Variants in HOOK3 observed in about 807,000 individuals in gnomAD.
HOOK3 encodes hook microtubule tethering protein 3.
A neutral mutation model predicts 116.3 loss-of-function variants in HOOK3; 24 were observed. The observed-to-expected ratio is 0.21, with a 90% confidence interval of 0.15 to 0.29. HOOK3 has a LOEUF of 0.29. Among genes scored for constraint, HOOK3 ranks in the 10% least tolerant of loss-of-function variants. The pLI is 1.00. For synonymous variants in HOOK3, 275 were observed against 283.0 expected (o/e 0.97, Z 0.28); for missense variants, 632 against 830.2 (o/e 0.76, Z 2.93).
chr8:42,907,811 C>T (rs773072), intron 2 of HOOK3, among the ~76,000 whole-genome samples: 14,518 of 105,206 alleles, frequency 0.14, 1,514 homozygotes, highest in African/African-American at 0.31. Flanking sequence ...ACCGGAGCAA[C>T]GAGGCAAAAA....
At chr8:42,941,483 A>G (rs928859731) in intron 4 of HOOK3, among the ~76,000 whole-genome samples, 7 of 138,950 alleles carry the variant, frequency 5.0e-5, no homozygotes, top group African/African-American at 1.9e-4. Context: ...GCGCCACTGC[A>G]CTCCAGCCTG....
intron 2 of HOOK3, among the ~76,000 whole-genome samples, chr8:42,910,341 T>C (rs1280857400): frequency 1.3e-5 from 2 of 151,970 alleles, no homozygotes; most frequent in Admixed American, 1.3e-4. Context: ...CTTTCTTTCT[T>C]CCTAGAATGC....
intron 2 of HOOK3, among the ~76,000 whole-genome samples, chr8:42,922,826 G>A (rs1303663205): frequency 6.7e-6 from 1 of 148,822 alleles, no homozygotes; most frequent in African/African-American, 2.5e-5. Context: ...GTTGCAGTGA[G>A]CTGAGATTGT....
chr8:42,940,895 A>G (rs971362272), intron 4 of HOOK3, among the ~76,000 whole-genome samples: 9 of 152,240 alleles, frequency 5.9e-5, no homozygotes, highest in African/African-American at 2.2e-4. Context: ...CCAATCAAAC[A>G]TAAGTTTGGT....
chr8:42,939,931 C>A (rs1198872743), intron 4 of HOOK3, among the ~76,000 whole-genome samples: 2 of 150,318 alleles, frequency 1.3e-5, no homozygotes, highest in Non-Finnish European at 3.0e-5. Flanking sequence ...GGATGGCGGC[C>A]GGGAAGAGGC....
intron 4 of HOOK3, among the ~76,000 whole-genome samples, chr8:42,931,557 AAGT>A (rs1420602724): frequency 1.4e-5 from 2 of 139,154 alleles, no homozygotes; most frequent in East Asian, 4.3e-4. Context: ...TCAGCCTCCC[AAGT>A]AGCTGGGACT....
intron 13 of HOOK3, among the ~76,000 whole-genome samples, chr8:42,982,029 G>A (rs1218960114): frequency 3.3e-5 from 5 of 151,030 alleles, no homozygotes; most frequent in Admixed American, 1.3e-4. Flanking sequence ...TGAGGTGGGA[G>A]GATCACCTGA....
Position 42,897,218 on chromosome 8 carries a change from AC to A in HOOK3, c.57+35del, listed in dbSNP as rs141707234. 7,600 of 1,221,652 alleles carry A rather than the reference AC, an allele frequency of 6.2e-3. 367 individuals are homozygous for A. The African/African-American group carries it at 0.11, about 17-fold the overall frequency. The allele number at this position is 1,221,652 out of a possible 1,614,324, so 75.7% of individuals were successfully genotyped here. A position where few individuals can be genotyped will look rare whatever the true frequency, so the allele number is the denominator to read the frequency against. ...GTGGGGGCCGCGGGCCGGCGGGAAG[AC>A]CCCCTCCCCCCGCCACCTACCGGGA... is the stretch of plus-strand genomic sequence containing the variant. On this transcript the variant is annotated intron_variant, in intron 1 of 21. Coordinates refer to ENST00000307602, the MANE Select transcript of HOOK3 (RefSeq NM_032410.4).
At chr8:42,962,977 T>A (rs1399896477) in intron 8 of HOOK3, among the ~76,000 whole-genome samples, 2 of 151,922 alleles carry the variant, frequency 1.3e-5, no homozygotes. Context: ...AATTTTTGTA[T>A]TTTTAGTAGA....
chr8:42,926,513 T>A (rs1169022976), intron 3 of HOOK3, among the ~76,000 whole-genome samples: 3 of 152,172 alleles, frequency 2.0e-5, no homozygotes, highest in Non-Finnish European at 4.4e-5. Flanking sequence ...CTCAAACTCC[T>A]GATCTCAGGT....
intron 2 of HOOK3, among the ~76,000 whole-genome samples, chr8:42,916,436 A>G (rs1807535526): frequency 6.6e-6 from 1 of 152,194 alleles, no homozygotes; most frequent in South Asian, 2.1e-4. Context: ...AGACCTCACA[A>G]GTTAAGGGCA....
intron 2 of HOOK3, among the ~76,000 whole-genome samples, chr8:42,914,279 A>AT (rs1563289754): frequency 6.6e-6 from 1 of 152,148 alleles, no homozygotes; most frequent in Non-Finnish European, 1.5e-5. Flanking sequence ...ACTCTTAGTG[A>AT]TTTAAGTATG....
chr8:43,002,870 A>G (rs1809406304), intron 17 of HOOK3, among the ~76,000 whole-genome samples: 1 of 152,186 alleles, frequency 6.6e-6, no homozygotes, highest in African/African-American at 2.4e-5. Flanking sequence ...TAAATTTTTT[A>G]AAGTCTATAA....
chr8:43,004,929 T>C (rs1286157443), intron 17 of HOOK3, among the ~76,000 whole-genome samples: 6 of 151,860 alleles, frequency 4.0e-5, no homozygotes, highest in Non-Finnish European at 7.4e-5. Context: ...AGGAGGCATT[T>C]AAAAGAAAGT....
At chr8:42,952,956 C>T (rs1211361240) in intron 6 of HOOK3, among the ~76,000 whole-genome samples, 1 of 152,030 alleles carries the variant, frequency 6.6e-6, no homozygotes, top group East Asian at 1.9e-4. Context: ...TGATTCCCAG[C>T]TAGTGGTGCA....
chr8:42,936,121 G>A (rs563109791), intron 4 of HOOK3, among the ~76,000 whole-genome samples: 1 of 152,222 alleles, frequency 6.6e-6, no homozygotes, highest in South Asian at 2.1e-4. Context: ...CTTGTGAGTT[G>A]TGTATTCCTA....
In HOOK3 at chr8:43,005,028, A is replaced by G. The variant is rs546407267; in HGVS notation, c.1656-2819A>G. Reference sequence around the variant, plus strand: ...TGATTGAATGAGGTATATTCAAACAATAGAATACCAAACAATAGGGGAAAT... The same window carrying G: ...TGATTGAATGAGGTATATTCAAACAGTAGAATACCAAACAATAGGGGAAAT... On this transcript the variant is annotated intron_variant, in intron 17 of 21. Coordinates refer to ENST00000307602, the MANE Select transcript of HOOK3 (RefSeq NM_032410.4). Among the ~76,000 whole-genome samples, 9 of 152,178 alleles carry G rather than the reference A, an allele frequency of 5.9e-5. No individual in the cohort carries two copies. In the East Asian group the frequency reaches 1.5e-3, roughly 26 times the overall value.
chr8:42,994,432 A>G (rs1017938004), intron 15 of HOOK3: 2 of 415,560 alleles, frequency 4.8e-6, no homozygotes, highest in Non-Finnish European at 9.7e-6. Flanking sequence ...TTTTTGATGT[A>G]GGTACTTGTG....
At chr8:42,987,618 C>T (rs1563308307) in intron 15 of HOOK3, among the ~76,000 whole-genome samples, 1 of 152,186 alleles carries the variant, frequency 6.6e-6, no homozygotes, top group Non-Finnish European at 1.5e-5. Context: ...GAACAACTGA[C>T]TTATTTTGAG....
Sources: allele counts gnomAD v4.1 joint callset (sites outside exome capture counted in the v4.1 genomes callset), GRCh38; gene constraint gnomAD v4.1.1; transcripts MANE v1.5; gene names NCBI Gene and HGNC (gene_info 2026-07-23, HGNC 2026-07-21).